The following HOOK2 variants were observed in gnomAD, a reference collection of about 807,000 sequenced individuals.
HOOK2 encodes the protein protein Hook homolog 2.
A neutral mutation model predicts 111.9 loss-of-function variants in HOOK2; 108 were observed. The ratio of observed to expected loss-of-function variants is 0.96; its 90% CI spans 0.83 to 1.13. The LOEUF (loss-of-function observed/expected upper bound fraction) is 1.13. Among genes scored for constraint, HOOK2 ranks in the 50% most tolerant of loss-of-function variants. The pLI is 0.00. For synonymous variants in HOOK2, 405 were observed against 394.3 expected (o/e 1.03, Z -0.32); for missense variants, 978 against 951.3 (o/e 1.03, Z -0.37).
chr19:12,770,269 T>G (rs187011306), intron 10 of HOOK2, among the ~76,000 whole-genome samples, 187 bp from the exon 11 acceptor site: 49 of 151,468 alleles, frequency 3.2e-4, no homozygotes, highest in African/African-American at 1.1e-3. Flanking sequence ...ATTACAGCAA[T>G]GGTTAGCCCA....
Position 12,770,062 on chromosome 19 carries a change from C to T in HOOK2, c.923G>A (p.Gly308Glu), listed in dbSNP as rs1441677985. The change falls in exon 11 of 23, where the codon GGG becomes GAG. Residue 308 changes from glycine (G) to glutamate (E), a missense_variant. Transcript: ENST00000397668. The part of the protein sequence containing the change: ...DELRQSSERA[G>E]QLEATLTSCR... ...ACTGGTCAGCGTGGCCTCCAGCTGC[C>T]CAGCACGCTCCGAAGACTGCCTAGG... 2 of 1,529,360 alleles carry T rather than the reference C, an allele frequency of 1.3e-6. No homozygotes were observed. The highest frequency in any genetic ancestry group is 1.8e-6 in the Non-Finnish European group (2 of 1,141,292). The allele number at this position is 1,529,360 out of a possible 1,614,324, so 94.7% of individuals were successfully genotyped here.
At chr19:12,792,078 C>A in intron 3 of HOOK2, 1 of 1,605,494 alleles carries the variant, frequency 6.2e-7, no homozygotes, top group South Asian at 1.1e-5. Flanking sequence ...CACGACGACG[C>A]CTACACCCCC....
intron 1 of HOOK2, chr19:12,775,102 G>A (rs1428025252): frequency 7.1e-6 from 6 of 847,356 alleles, no homozygotes; most frequent in Non-Finnish European, 8.5e-6. Context: ...CAAACCCTGC[G>A]CGTCCAGGCC....
intron 11 of HOOK2, 111 bp downstream of exon 11, chr19:12,769,770 T>C: frequency 1.2e-6 from 1 of 855,418 alleles, no homozygotes; most frequent in Non-Finnish European, 1.6e-6. Context: ...CCGGAGAGCG[T>C]GGCCTACGTA....
At chr19:12,768,213 G>A (rs781677452) in intron 11 of HOOK2, 90 bp from the exon 12 acceptor site, 2 of 1,065,022 alleles carry the variant, frequency 1.9e-6, no homozygotes, top group Non-Finnish European at 2.8e-6. Flanking sequence ...AGGATGCTTT[G>A]ACTTATTATT....
intron 7 of HOOK2, 79 bp from the exon 8 acceptor site, chr19:12,771,556 A>C: frequency 8.2e-7 from 1 of 1,212,826 alleles, no homozygotes; most frequent in Non-Finnish European, 1.2e-6. Context: ...TCTAGAGGCC[A>C]AATGGAGGGG....
chr19:12,763,429 G>A lies in HOOK2; in HGVS notation c.2013C>T (p.Gly671=), dbSNP rs1384849407. The stretch of plus-strand genomic sequence containing the variant: ...CCCCAGCTCGCTGCTGCAAGGCCAT[G>A]CCCTTCAGGAGGAGGTGTGGTTGGG... ...KLLISAWYNM[G]MALQQRAGEE... is the part of the protein sequence containing the mutation. The change falls in exon 23 of 23, where the codon GGC becomes GGT. Residue 671 remains glycine (G), a splice_region_variant and synonymous_variant. Transcript: ENST00000397668. 1 of 1,613,702 alleles carries A rather than the reference G, an allele frequency of 6.2e-7. No homozygotes were observed. The highest frequency in any genetic ancestry group is 8.5e-7 in the Non-Finnish European group (1 of 1,179,894).
chr19:12,763,977 C>T (rs1265228842), intron 20 of HOOK2, among the ~76,000 whole-genome samples, 199 bp from the exon 21 acceptor site: 1 of 152,154 alleles, frequency 6.6e-6, no homozygotes, highest in Non-Finnish European at 1.5e-5. Flanking sequence ...CAAGCATGAG[C>T]CATTGTGCCC....
In HOOK2 at chr19:12,763,354, C is replaced by T; in HGVS notation, c.2088G>A (p.Leu696=). ...HAQSFLAQQR[L]ATNSRRGPLG... is the part of the protein sequence containing the mutation. ...AGGGTCCACGGCGAGAATTGGTTGCCAGCCGCTGCTGTGCCAGGAATGACT... is the reference window on the plus strand; with the variant it reads ...AGGGTCCACGGCGAGAATTGGTTGCTAGCCGCTGCTGTGCCAGGAATGACT... The change falls in exon 23 of 23, where the codon CTG becomes CTA. Residue 696 remains leucine, a synonymous_variant. Transcript: ENST00000397668. The T allele has an allele frequency of 1.9e-6, 3 of 1,614,188 alleles. No homozygotes were observed. Among genetic ancestry groups the T allele is most frequent in the Non-Finnish European group, 2.5e-6 (3 of 1,180,044 alleles).
chr19:12,773,217 G>T, intron 3 of HOOK2, 173 bp from the exon 4 acceptor site: 5 of 481,336 alleles, frequency 1.0e-5, no homozygotes, highest in Non-Finnish European at 1.5e-5. Flanking sequence ...TTGTCTGCCT[G>T]ACCATCTTTG....
upstream of HOOK2, among the ~76,000 whole-genome samples, chr19:12,780,311 C>T (rs990250275): frequency 2.0e-5 from 3 of 152,096 alleles, no homozygotes; most frequent in Admixed American, 1.3e-4. Context: ...CTACTATATA[C>T]GTCTATATGG....
chr19:12,770,125 C>A, intron 10 of HOOK2, 43 bp from the exon 11 acceptor site: 1 of 1,433,214 alleles, frequency 7.0e-7, no homozygotes, highest in South Asian at 1.4e-5. Flanking sequence ...GAGCTCTGAT[C>A]AGGGGTCAGC....
upstream of HOOK2, among the ~76,000 whole-genome samples, chr19:12,776,717 C>G (rs1968523196): frequency 6.7e-6 from 1 of 150,170 alleles, no homozygotes; most frequent in African/African-American, 2.4e-5. Flanking sequence ...TGGCGTGTTT[C>G]TGTGGTCCTA....
intron 3 of HOOK2, among the ~76,000 whole-genome samples, chr19:12,789,192 A>G (rs1441068159): frequency 6.8e-6 from 1 of 147,174 alleles, no homozygotes; most frequent in Non-Finnish European, 1.5e-5. Context: ...AGAGAGAGAG[A>G]CAAAGAGAGA....
rs1599475885 is a variant in HOOK2, at chr19:12,766,205, C to A, written c.1409G>T (p.Arg470Leu). 6.3e-7 allele frequency: 1 copy of A among 1,594,886 alleles called. No individual in the cohort carries two copies. Among genetic ancestry groups the A allele is most frequent in the Non-Finnish European group, 8.5e-7 (1 of 1,177,282 alleles). ...TLLRLQLENK[R>L]LCRQEAADRE... Reference sequence around the variant, plus strand: ...GTCGGCCGCCTCCTGCCTGCACAGCCGCTTGTTCTCCAGCTGAAGCCGCAG... The same window carrying A: ...GTCGGCCGCCTCCTGCCTGCACAGCAGCTTGTTCTCCAGCTGAAGCCGCAG... The change falls in exon 15 of 23, where the codon CGG becomes CTG. Residue 470 changes from arginine to leucine, a missense_variant. Coordinates refer to ENST00000397668, the MANE Select transcript of HOOK2 (RefSeq NM_013312.3).
Position 12,774,693 on chromosome 19 carries a change from A to G in HOOK2, c.180T>C (p.Asp60=). The G allele has an allele frequency of 6.2e-7, 1 of 1,614,052 alleles. No individual in the cohort carries two copies. Among genetic ancestry groups the G allele is most frequent in the Non-Finnish European group, 8.5e-7 (1 of 1,180,000 alleles). The change falls in exon 3 of 23, where the codon GAT becomes GAC. Residue 60 remains aspartate, a synonymous_variant. Transcript: ENST00000397668. The part of the protein sequence containing the change: ...NEAWLQGISE[D]PGPNWKLKVS... Reference sequence around the variant, plus strand: ...CCTTCAGCTTCCAGTTGGGACCTGGATCTTCCGAGATGCCCTGGAGCCATG... The same window carrying G: ...CCTTCAGCTTCCAGTTGGGACCTGGGTCTTCCGAGATGCCCTGGAGCCATG...
chr19:12,776,897 G>T (rs950829446), upstream of HOOK2, among the ~76,000 whole-genome samples: 2 of 151,378 alleles, frequency 1.3e-5, no homozygotes, highest in African/African-American at 4.9e-5. Flanking sequence ...GGCGGCTCAC[G>T]TCTGTATCCC....
Position 12,791,907 on chromosome 19 carries a change from C to T in HOOK2, n.42-17682G>A. 1 of 1,613,316 alleles carries T rather than the reference C, an allele frequency of 6.2e-7. No individual in the cohort carries two copies. The highest frequency in any genetic ancestry group is 1.7e-4 in the Middle Eastern group (1 of 6,060). ...GAGCCTGGCGGTCAACCTGGCCGAC[C>T]CCTACCGGAGTCTCAAAGCGCCTGG... is the stretch of plus-strand genomic sequence containing the variant. On this transcript the variant is annotated intron_variant and non_coding_transcript_variant, in intron 3 of 3. Coordinates refer to the HOOK2 transcript ENST00000589765. The surrounding 1 kb of genome is among the most constrained non-coding windows in gnomAD (Gnocchi z 7.0).
chr19:12,779,612 T>C (rs1018806715), upstream of HOOK2, among the ~76,000 whole-genome samples: 5 of 152,308 alleles, frequency 3.3e-5, no homozygotes, highest in Admixed American at 3.3e-4. Context: ...TGCCTCTGCC[T>C]CCTAAAGTGC....
Sources: gnomAD v4.1 joint callset for allele counts (sites outside exome capture counted in the v4.1 genomes callset) on GRCh38, gnomAD v4.1.1 for gene constraint, Gnocchi (gnomAD v3.1) non-coding constraint, MANE v1.5 for transcripts, NCBI Gene and HGNC (gene_info 2026-07-23, HGNC 2026-07-21) for gene names.